Variants in PBX1 observed in about 807,000 individuals in gnomAD.
The protein encoded by PBX1 is PBX homeobox 1.
A neutral mutation model predicts 53.4 loss-of-function variants in PBX1; 6 were observed. The observed-to-expected ratio is 0.11, with a 90% CI of 0.06 to 0.22. The LOEUF (loss-of-function observed/expected upper bound fraction) is 0.22. Ranked by LOEUF, PBX1 falls within the 10% of genes least tolerant of loss-of-function variation. PBX1 has a pLI of 1.00. For missense variants in PBX1, 251 were observed against 551.4 expected (o/e 0.46, Z 5.46); for synonymous variants, 204 against 212.3 (o/e 0.96, Z 0.34).
intron 2 of PBX1, among the ~76,000 whole-genome samples, chr1:164,643,928 G>C (rs1211850761): frequency 2.0e-5 from 3 of 152,118 alleles, no homozygotes; most frequent in African/African-American, 7.2e-5. Flanking sequence ...ATAACCATTG[G>C]GAGCAGCTTG....
rs147201088 is a variant in PBX1 at position 164,792,591 on chromosome 1, G to A, written c.363G>A (p.Glu121=). Residue 121 remains glutamate (E), a synonymous_variant, in exon 3 of 9, where the codon GAG becomes GAA. Coordinates refer to ENST00000420696, the MANE Select transcript of PBX1 (RefSeq NM_002585.4). ...MLLAEGVAGP[E]KGGGSAAAAA... ...TAGCGGAAGGCGTGGCGGGGCCTGA[G>A]AAGGGCGGAGGGTCGGCGGCAGCGG... 6.2e-6 allele frequency: 10 copies of A among 1,613,928 alleles called. No individual in the cohort carries two copies. Among genetic ancestry groups the A allele is most frequent in the African/African-American group, 1.3e-5 (1 of 74,922 alleles).
rs1661168094 is a variant in PBX1 at position 164,672,349 on chromosome 1, T to G, written c.265+109038T>G. Among the ~76,000 whole-genome samples the G allele has an allele frequency of 1.3e-5, 2 of 152,228 alleles. 1 individual carries two copies. The highest frequency in any genetic ancestry group is 4.1e-4 in the South Asian group (2 of 4,832). The stretch of plus-strand genomic sequence containing the variant: ...CCTTCCAGACCCTGTGCTCTGCCTC[T>G]GTCTCTGAACCTTTCACTCTCCTTT... On this transcript the variant is annotated intron_variant, in intron 2 of 8. Coordinates refer to ENST00000420696, the MANE Select transcript of PBX1 (RefSeq NM_002585.4).
intron 2 of PBX1, among the ~76,000 whole-genome samples, chr1:164,782,506 C>G (rs749937050): frequency 1.3e-5 from 2 of 152,268 alleles, no homozygotes; most frequent in African/African-American, 2.4e-5. Context: ...ACTAAATGAT[C>G]GACGAATTCT....
intron 2 of PBX1, chr1:164,682,397 G>A (rs1006734528): frequency 6.6e-6 from 1 of 152,132 alleles, no homozygotes; most frequent in African/African-American, 2.4e-5. Flanking sequence ...CGTCTGCTGA[G>A]TAAATGCTTA....
At chr1:164,750,146 G>T (rs751437380) in intron 2 of PBX1, among the ~76,000 whole-genome samples, 18 of 25,068 alleles carry the variant, frequency 7.2e-4, no homozygotes, top group Non-Finnish European at 1.4e-3. Context: ...GGGCTAGTTG[G>T]TGTGTGTGTG....
At chr1:164,800,208 T>C (rs924227731) in intron 4 of PBX1, among the ~76,000 whole-genome samples, 2 of 152,222 alleles carry the variant, frequency 1.3e-5, no homozygotes, top group Admixed American at 1.3e-4. Context: ...ACTATGGGCC[T>C]GCAGCTGTCT....
In PBX1 at chr1:164,762,369, C is replaced by T. The variant is rs1666856026; in HGVS notation, c.266-30125C>T. Among the ~76,000 whole-genome samples, 3 of 152,186 alleles carry T rather than the reference C, an allele frequency of 2.0e-5. No homozygotes were observed. In the South Asian group the frequency reaches 6.2e-4, roughly 31 times the overall value. On this transcript the variant is annotated intron_variant, in intron 2 of 8. Coordinates refer to ENST00000420696, the MANE Select transcript of PBX1 (RefSeq NM_002585.4). ...ATGCAATTTGCAACAGTCCTCAGCC[C>T]AGCATCTCACTTGTTTTTCCTACTA...
At chr1:164,676,552 A>G (rs1443218304) in intron 2 of PBX1, among the ~76,000 whole-genome samples, 1 of 152,186 alleles carries the variant, frequency 6.6e-6, no homozygotes, top group Non-Finnish European at 1.5e-5. Flanking sequence ...GGCTGCCACA[A>G]GTGTGGAGTT....
At chr1:164,828,108 A>C (rs1670558014) in intron 8 of PBX1, among the ~76,000 whole-genome samples, 1 of 152,206 alleles carries the variant, frequency 6.6e-6, no homozygotes. Flanking sequence ...TACCAACCCC[A>C]ACCAAATAGA....
In PBX1 at chr1:164,616,982, G is replaced by A. The variant is rs74117953; in HGVS notation, c.265+53671G>A. ...GTAGAACTGGGACTTGAACCCACCT[G>A]GAGTCCAGATCCAGAGGTCATATTT... On this transcript the variant is annotated intron_variant, in intron 2 of 8. Transcript: ENST00000420696. Among the ~76,000 whole-genome samples, 1,077 of 152,198 alleles carry A rather than the reference G, an allele frequency of 7.1e-3. 17 individuals carry two copies. Among genetic ancestry groups the A allele is most frequent in the African/African-American group, 0.025 (1,032 of 41,510 alleles).
chr1:164,738,115 T>C (rs1040981649), intron 2 of PBX1, among the ~76,000 whole-genome samples: 5 of 152,230 alleles, frequency 3.3e-5, no homozygotes, highest in African/African-American at 1.2e-4. Flanking sequence ...AGTATTTTAT[T>C]GTGGGAATAG....
rs1669643430 is a variant in PBX1, at chr1:164,812,164, T to C, written c.997+15T>C. The C allele has an allele frequency of 6.9e-6, 11 of 1,602,618 alleles. No individual in the cohort carries two copies. The highest frequency in any genetic ancestry group is 9.4e-6 in the Non-Finnish European group (11 of 1,173,504). On this transcript the variant is annotated intron_variant, in intron 6 of 8. Coordinates refer to ENST00000420696, the MANE Select transcript of PBX1 (RefSeq NM_002585.4). ...CAACTCGGCTGGTTAGTTTTTTCTT[T>C]GATTGGGGGTGGGGGAAGGAATTGT...
At chr1:164,671,589 T>G (rs1661113830) in intron 2 of PBX1, among the ~76,000 whole-genome samples, 1 of 152,014 alleles carries the variant, frequency 6.6e-6, no homozygotes, top group African/African-American at 2.4e-5. Flanking sequence ...TTTCCCTCCA[T>G]CAGTATGATT....
At chr1:164,609,961 C>T (rs1176820735) in intron 2 of PBX1, among the ~76,000 whole-genome samples, 10 of 152,134 alleles carry the variant, frequency 6.6e-5, no homozygotes, top group Admixed American at 6.5e-5. Context: ...CAAAAGGCTT[C>T]CTGGCGTCAT....
rs371564314 is a variant in PBX1, at chr1:164,849,088, G to A, written c.*2412G>A. The A allele has an allele frequency of 1.2e-4, 157 of 1,319,350 alleles. No homozygotes were observed. The East Asian group carries it at 2.5e-3, about 21-fold the overall frequency. 81.7% of individuals were successfully genotyped at this position (1,319,350 alleles called of 1,614,324 possible). On this transcript the variant is annotated 3_prime_UTR_variant, in exon 9 of 9. Coordinates refer to ENST00000420696, the MANE Select transcript of PBX1 (RefSeq NM_002585.4). ...GCAGGAATATAATGAAACTACCCAC[G>A]CAAGAACATGGTTGAATCACATTTG...
intron 8 of PBX1, 113 bp from the exon 9 acceptor site, chr1:164,846,471 C>A: frequency 1.2e-6 from 1 of 859,990 alleles, no homozygotes; most frequent in Non-Finnish European, 2.0e-6. Context: ...TGAGTGTCTC[C>A]ATGTGCCAGG....
chr1:164,675,259 C>A (rs1661367197), intron 2 of PBX1, among the ~76,000 whole-genome samples: 1 of 152,150 alleles, frequency 6.6e-6, no homozygotes, highest in African/African-American at 2.4e-5. Context: ...CCTTCTAGAT[C>A]TTTATTCTAC....
chr1:164,815,721 A>G (rs915264568), intron 6 of PBX1: 1 of 152,132 alleles, frequency 6.6e-6, no homozygotes, highest in Non-Finnish European at 1.5e-5. Flanking sequence ...TCTTGTGAGA[A>G]CTCACTCACT....
chr1:164,687,137 C>CT (rs1202014647), intron 2 of PBX1, among the ~76,000 whole-genome samples: 1 of 152,084 alleles, frequency 6.6e-6, no homozygotes, highest in East Asian at 1.9e-4. Context: ...TCAAGACTAC[C>CT]TTTTGTATGC....
Sources: allele counts gnomAD v4.1 joint callset (sites outside exome capture counted in the v4.1 genomes callset), GRCh38; gene constraint gnomAD v4.1.1; transcripts MANE v1.5; gene names NCBI Gene and HGNC (gene_info 2026-07-23, HGNC 2026-07-21).